CNTN1: variants seen among roughly 807,000 people sequenced by gnomAD.
CNTN1 encodes contactin 1.
Under a neutral mutation model 126.4 loss-of-function variants are expected in CNTN1, and 38 were observed. The observed-to-expected ratio is 0.30, with a 90% CI of 0.23 to 0.39. The LOEUF (loss-of-function observed/expected upper bound fraction) is 0.39. CNTN1 is among the 10% of genes least tolerant of loss of function. The pLI, the probability that CNTN1 is intolerant of heterozygous loss-of-function variation, is 1.00. For synonymous variants in CNTN1, 413 were observed against 422.6 expected (o/e 0.98, Z 0.28); for missense variants, 1,009 against 1,248.4 (o/e 0.81, Z 2.89).
chr12:40,968,347 G>A (rs532443196), intron 15 of CNTN1, among the ~76,000 whole-genome samples: 3 of 151,948 alleles, frequency 2.0e-5, no homozygotes, highest in Admixed American at 2.0e-4. Context: ...TTTTATTTTT[G>A]CTCATGTTAT....
At chr12:40,785,419 T>C (rs7304374) in intron 1 of CNTN1, among the ~76,000 whole-genome samples, 137,690 of 152,080 alleles carry the variant, frequency 0.91, 62,460 homozygotes, top group Middle Eastern at 0.95. Flanking sequence ...CTCACCTGTC[T>C]GTGTGAAGAG....
At chr12:41,056,461 C>T (rs1949804131) in intron 23 of CNTN1, among the ~76,000 whole-genome samples, 1 of 152,010 alleles carries the variant, frequency 6.6e-6, no homozygotes, top group South Asian at 2.1e-4. Flanking sequence ...TAGCAAGAAC[C>T]TGATATTGGG....
intron 1 of CNTN1, among the ~76,000 whole-genome samples, chr12:40,818,419 G>A (rs901432306): frequency 4.6e-5 from 7 of 151,836 alleles, no homozygotes; most frequent in Non-Finnish European, 8.8e-5. Flanking sequence ...CAGTAAGGTG[G>A]TCTTCAAACT....
chr12:40,954,974 A>G (rs1946821203), intron 14 of CNTN1, among the ~76,000 whole-genome samples: 1 of 152,066 alleles, frequency 6.6e-6, no homozygotes, highest in Non-Finnish European at 1.5e-5. Context: ...TCACATGGTT[A>G]ATCTCAGTCT....
intron 3 of CNTN1, among the ~76,000 whole-genome samples, chr12:40,914,197 G>T (rs893808788): frequency 6.6e-6 from 1 of 152,068 alleles, no homozygotes; most frequent in Non-Finnish European, 1.5e-5. Flanking sequence ...AAAATCAATA[G>T]ATGACAGTAT....
At chr12:40,707,712 AC>A (rs1941807874) in intron 1 of CNTN1, among the ~76,000 whole-genome samples, 1 of 152,156 alleles carries the variant, frequency 6.6e-6, no homozygotes, top group Non-Finnish European at 1.5e-5. Flanking sequence ...ATAATGAGTG[AC>A]TGATTTGTCT....
At chr12:40,802,553 G>T (rs1404128816) in intron 1 of CNTN1, among the ~76,000 whole-genome samples, 9 of 151,820 alleles carry the variant, frequency 5.9e-5, no homozygotes, top group Admixed American at 4.6e-4. Context: ...ATTAACTGAA[G>T]AAAAATGAGT....
intron 1 of CNTN1, among the ~76,000 whole-genome samples, chr12:40,803,533 T>C (rs945816222): frequency 1.3e-5 from 2 of 152,052 alleles, no homozygotes; most frequent in African/African-American, 2.4e-5. Flanking sequence ...TTAGACATGT[T>C]TTAACAAGCT....
rs1944180861 is a variant in CNTN1 at position 40,889,876 on chromosome 12, T to C, written c.-76-18481T>C. Among the ~76,000 whole-genome samples, 3 of 152,112 alleles carry C rather than the reference T, an allele frequency of 2.0e-5. No homozygotes were observed. The South Asian group carries it at 6.2e-4, about 32-fold the overall frequency. ...TCTCTAAACCTCATTTCTCGATGTGTTAGTTGGAGTCAATAATAGTTACCT... is the reference window on the plus strand; with the variant it reads ...TCTCTAAACCTCATTTCTCGATGTGCTAGTTGGAGTCAATAATAGTTACCT... On this transcript the variant is annotated intron_variant, in intron 1 of 23. Transcript: ENST00000551295.
chr12:40,878,183 G>A (rs1443306458), intron 1 of CNTN1, among the ~76,000 whole-genome samples: 1 of 150,968 alleles, frequency 6.6e-6, no homozygotes, highest in Non-Finnish European at 1.5e-5. Context: ...TTTTAGTAGA[G>A]ACAAAGTTTC....
intron 1 of CNTN1, among the ~76,000 whole-genome samples, chr12:40,797,203 T>G (rs1447839054): frequency 1.3e-5 from 2 of 152,116 alleles, no homozygotes; most frequent in African/African-American, 4.8e-5. Context: ...AGATACTGAA[T>G]AAATAATTAC....
chr12:40,708,231 C>T (rs1031022733), intron 1 of CNTN1, among the ~76,000 whole-genome samples: 3 of 152,088 alleles, frequency 2.0e-5, no homozygotes, highest in Admixed American at 1.3e-4. Flanking sequence ...TACCTTGTAG[C>T]TTTTGTGGGT....
At chr12:40,811,827 C>CAA (rs71078272) in intron 1 of CNTN1, among the ~76,000 whole-genome samples, 123 of 145,016 alleles carry the variant, frequency 8.5e-4, no homozygotes, top group South Asian at 6.5e-3. Context: ...TTTATCTTTT[C>CAA]AAAAAAAAAA....
Position 40,829,924 on chromosome 12 carries a change from A to G in CNTN1, c.-76-78433A>G, listed in dbSNP as rs186045852. ...AGATATTTATTGCCTAATGACACAC[A>G]CTAAATTCTGAGTAATAAGTAGAAT... On this transcript the variant is annotated intron_variant, in intron 1 of 23. Transcript: ENST00000551295. 3.6e-3 allele frequency among the ~76,000 whole-genome samples: 544 copies of G among 152,286 alleles called. 4 individuals are homozygous for G. The highest frequency in any genetic ancestry group is 0.013 in the African/African-American group (531 of 41,558).
chr12:40,803,076 G>T (rs1940715209), intron 1 of CNTN1, among the ~76,000 whole-genome samples: 1 of 151,900 alleles, frequency 6.6e-6, no homozygotes, highest in Non-Finnish European at 1.5e-5. Context: ...AGCTGACCTG[G>T]GTGCAATGGT....
intron 1 of CNTN1, among the ~76,000 whole-genome samples, chr12:40,747,673 G>C (rs1054851303): frequency 5.3e-5 from 8 of 152,176 alleles, no homozygotes; most frequent in Admixed American, 5.2e-4. Flanking sequence ...AAGGAATCTA[G>C]TCAGGAAGAT....
intron 2 of CNTN1, 23 bp from the exon 3 acceptor site, chr12:40,910,050 A>T: frequency 6.3e-7 from 1 of 1,583,144 alleles, no homozygotes. Context: ...CAGGATCAAA[A>T]TTGTTTTTTC....
chr12:40,905,995 G>C (rs1944795447), intron 1 of CNTN1, among the ~76,000 whole-genome samples: 1 of 152,216 alleles, frequency 6.6e-6, no homozygotes, highest in South Asian at 2.1e-4. Context: ...AGAATTGTTG[G>C]CCGGGTGCAA....
At chr12:40,811,827 C>CAAA (rs71078272) in intron 1 of CNTN1, among the ~76,000 whole-genome samples, 3 of 145,004 alleles carry the variant, frequency 2.1e-5, no homozygotes, top group Non-Finnish European at 1.5e-5. Context: ...TTTATCTTTT[C>CAAA]AAAAAAAAAA....
Sources: allele counts gnomAD v4.1 joint callset (sites outside exome capture counted in the v4.1 genomes callset), GRCh38; gene constraint gnomAD v4.1.1; transcripts MANE v1.5; gene names NCBI Gene and HGNC (gene_info 2026-07-23, HGNC 2026-07-21).